Variants in RP1L1 observed in about 807,000 individuals in gnomAD.
RP1L1 encodes RP1 like 1.
RP1L1 carries 27 observed loss-of-function variants against 15.7 expected under a neutral mutation model. The ratio of observed to expected loss-of-function variants is 1.72; its 90% CI spans 1.27 to 2.38. The LOEUF (loss-of-function observed/expected upper bound fraction) is 2.38, where lower values mean the gene tolerates loss of function less well. RP1L1 is among the 30% of genes most tolerant of loss of function. The probability of loss-of-function intolerance (pLI) is 0.00; values close to 1 mark genes in which losing one functional copy is unlikely to be tolerated. For synonymous variants in RP1L1, 1,813 were observed against 1,276.7 expected (o/e 1.42, Z -8.96); for missense variants, 4,798 against 3,075.9 (o/e 1.56, Z -13.24).
In RP1L1 at chr8:10,610,277, T is replaced by A. The variant is rs1797819528; in HGVS notation, c.3821A>T (p.Asp1274Val). Residue 1274 changes from aspartate (D) to valine (V), a missense_variant, in exon 4 of 4, where the codon GAT becomes GTT. Coordinates refer to ENST00000382483, the MANE Select transcript of RP1L1 (RefSeq NM_178857.6). ...CTCCTCACTGTCTCTTTCTGCTTCA[T>A]CCTCATTGGTGGCACAAGCGCAGGC... ...ARACACATNE[D>V]EAERDSEEQR... 6.2e-7 allele frequency: 1 copy of A among 1,614,106 alleles called. No individual in the cohort carries two copies. The highest frequency in any genetic ancestry group is 1.7e-5 in the Admixed American group (1 of 60,002).
intron 1 of RP1L1, among the ~76,000 whole-genome samples, chr8:10,650,725 C>T (rs1234727570): frequency 1.3e-5 from 2 of 151,978 alleles, no homozygotes; most frequent in East Asian, 3.9e-4. Context: ...CCGCAACTGG[C>T]TAATTTTTTT....
intron 1 of RP1L1, among the ~76,000 whole-genome samples, chr8:10,644,972 C>A (rs951133801): frequency 6.6e-6 from 1 of 152,136 alleles, no homozygotes; most frequent in South Asian, 2.1e-4. Flanking sequence ...GCACTAATGA[C>A]CATTTATTTT....
intron 1 of RP1L1, among the ~76,000 whole-genome samples, chr8:10,633,709 G>A (rs922312660): frequency 6.6e-6 from 1 of 152,180 alleles, no homozygotes; most frequent in African/African-American, 2.4e-5. Flanking sequence ...CGTGACTGAA[G>A]CTGCCCTGGA....
Position 10,609,153 on chromosome 8 carries a change from C to T in RP1L1, c.4945G>A (p.Glu1649Lys), listed in dbSNP as rs745521863. ...LSTALGSQLG[E>K]EAEGEEFCPC... ...CAGAACTCCTCCCCCTCCGCCTCCT[C>T]GCCCAGCTGGCTCCCCAGGGCTGTG... Residue 1649 changes from glutamate to lysine, a missense_variant, in exon 4 of 4, where the codon GAG becomes AAG. Glu to Lys is a moderately conservative substitution (Grantham distance 56, BLOSUM62 1). Transcript: ENST00000382483. 1.1e-5 allele frequency: 18 copies of T among 1,612,908 alleles called. No homozygotes were observed. The highest frequency in any genetic ancestry group is 5.0e-5 in the Admixed American group (3 of 60,002).
rs1398148674 is a variant in RP1L1 at position 10,611,711 on chromosome 8, G to A, written c.2387C>T (p.Ala796Val). 2.5e-6 allele frequency: 4 copies of A among 1,613,452 alleles called. No individual in the cohort carries two copies. The highest frequency in any genetic ancestry group is 1.3e-5 in the African/African-American group (1 of 74,928). ...KSGAASLGEE[A>V]RDTPQPSSPL... ...TGAGGAGGGCTGAGGCGTGTCCCTG[G>A]CCTCTTCCCCCAGGCTGGCAGCCCC... Residue 796 changes from alanine (A) to valine (V), a missense_variant, in exon 4 of 4, where the codon GCC (alanine) becomes GTC (valine). Coordinates refer to ENST00000382483, the MANE Select transcript of RP1L1 (RefSeq NM_178857.6).
intron 2 of RP1L1, among the ~76,000 whole-genome samples, chr8:10,620,034 T>C (rs1474111385): frequency 1.3e-5 from 2 of 151,112 alleles, no homozygotes; most frequent in East Asian, 3.9e-4. Context: ...GATACAGTGA[T>C]ATGTGCTCTG....
In RP1L1 at chr8:10,622,787, G is replaced by GA. The variant is rs1554454599; in HGVS notation, c.414_415insT (p.Pro139SerfsTer11). 2.5e-6 allele frequency: 4 copies of GA among 1,613,796 alleles called. No homozygotes were observed. In the Admixed American group the frequency reaches 6.7e-5, roughly 27 times the overall value. ...CTCTTCCGGGAGGAGGAGGTGCCTG[G>GA]GGCTTCACGCTGGCCTTCGACATCC... On this transcript the variant is annotated frameshift_variant, in exon 2 of 4. Coordinates refer to ENST00000382483, the MANE Select transcript of RP1L1 (RefSeq NM_178857.6). LOFTEE classifies it high-confidence loss of function.
intron 1 of RP1L1, among the ~76,000 whole-genome samples, chr8:10,624,663 G>T (rs1798128599): frequency 6.7e-6 from 1 of 150,280 alleles, no homozygotes; most frequent in South Asian, 2.1e-4. Context: ...AGGCCGGGAG[G>T]AGAAGGTCGG....
Position 10,624,574 on chromosome 8 carries a change from T to C in RP1L1, c.-19-1354A>G, listed in dbSNP as rs138836448. 7.2e-3 allele frequency among the ~76,000 whole-genome samples: 1,095 copies of C among 152,340 alleles called. 6 individuals carry two copies. The highest frequency in any genetic ancestry group is 0.025 in the African/African-American group (1,031 of 41,578). ...GGACCACAGCAAATAGATATGGCCC[T>C]GGCGTCTTCTCTGACCAGCTGGGTG... On this transcript the variant is annotated intron_variant, in intron 1 of 3. Coordinates refer to ENST00000382483, the MANE Select transcript of RP1L1 (RefSeq NM_178857.6).
chr8:10,611,842 G>T lies in RP1L1; in HGVS notation c.2256C>A (p.Val752=). The T allele has an allele frequency of 6.2e-7, 1 of 1,613,774 alleles. No homozygotes were observed. The highest frequency in any genetic ancestry group is 8.5e-7 in the Non-Finnish European group (1 of 1,180,036). Residue 752 remains valine, a synonymous_variant, in exon 4 of 4, where the codon GTC becomes GTA. Coordinates refer to ENST00000382483, the MANE Select transcript of RP1L1 (RefSeq NM_178857.6). ...CGGCAGAGGGAGCGTTGTGCGGGGA[G>T]ACTCCAGAAACAAAATCCGAGTGGA... is the stretch of plus-strand genomic sequence containing the variant. The part of the protein sequence containing the change: ...PAVHSDFVSG[V]SPHNAPSAGW...
rs748317371 is a variant in RP1L1 at position 10,610,640 on chromosome 8, A to G, written c.3458T>C (p.Ile1153Thr). The change falls in exon 4 of 4, where the codon ATC becomes ACC. Residue 1153 changes from isoleucine to threonine, a missense_variant. Physicochemically the swap from Ile to Thr is moderately conservative, Grantham distance 89. Transcript: ENST00000382483. Reference sequence around the variant, plus strand: ...ACATCCTGGCCACAGGTCCTTCGAGATGCTGAGCAGCTCCTGGTACCGAGG... The same window carrying G: ...ACATCCTGGCCACAGGTCCTTCGAGGTGCTGAGCAGCTCCTGGTACCGAGG... ...DSPRYQELLS[I>T]SKDLWPGCDV... 139 of 1,612,256 alleles carry G rather than the reference A, an allele frequency of 8.6e-5. No individual in the cohort carries two copies. The highest frequency in any genetic ancestry group is 1.1e-4 in the Non-Finnish European group (131 of 1,179,372).
At chr8:10,643,489 C>T (rs1798435360) in intron 1 of RP1L1, among the ~76,000 whole-genome samples, 1 of 152,148 alleles carries the variant, frequency 6.6e-6, no homozygotes, top group Admixed American at 6.5e-5. Context: ...GGCCAATCTG[C>T]CATAAATTAC....
At position 10,622,710 on chromosome 8, in the gene RP1L1, G is replaced by C. The variant is rs754311208; in HGVS notation, c.492C>G (p.Leu164=). ...ILLIKNMDPR[L]QQTVVLSHRN... ...TGTGACTGAGAACCACTGTCTGCTG[G>C]AGGCGAGGGTCCATGTTCTTAATCA... is the stretch of plus-strand genomic sequence containing the variant. The change falls in exon 2 of 4, where the codon CTC becomes CTG. Residue 164 remains leucine (L), a synonymous_variant. Coordinates refer to ENST00000382483, the MANE Select transcript of RP1L1 (RefSeq NM_178857.6). The C allele has an allele frequency of 6.2e-7, 1 of 1,614,172 alleles. No individual in the cohort carries two copies. The highest frequency in any genetic ancestry group is 1.3e-5 in the African/African-American group (1 of 75,046).
chr8:10,609,411 C>G lies in RP1L1; in HGVS notation c.4687G>C (p.Asp1563His). The G allele has an allele frequency of 6.2e-7, 1 of 1,612,394 alleles. No homozygotes were observed. Reference sequence around the variant, plus strand: ...CTGTCCTGGAGGCGTTGGGCCACGTCCTGCTGCAGCTCGGCCGCCATCTGG... The same window carrying G: ...CTGTCCTGGAGGCGTTGGGCCACGTGCTGCTGCAGCTCGGCCGCCATCTGG... ...LDQMAAELQQ[D>H]VAQRLQDSTK... Residue 1563 changes from aspartate (D) to histidine (H), a missense_variant, in exon 4 of 4, where the codon GAC (aspartate) becomes CAC (histidine). Coordinates refer to ENST00000382483, the MANE Select transcript of RP1L1 (RefSeq NM_178857.6).
At chr8:10,614,629 C>G (rs1250205748) in intron 3 of RP1L1, among the ~76,000 whole-genome samples, 1 of 143,776 alleles carries the variant, frequency 7.0e-6, no homozygotes, top group African/African-American at 2.6e-5. Context: ...TCACTGCACT[C>G]CAGCCTGGGT....
intron 1 of RP1L1, among the ~76,000 whole-genome samples, chr8:10,635,701 T>G (rs140603941): frequency 6.6e-6 from 1 of 152,294 alleles, no homozygotes; most frequent in African/African-American, 2.4e-5. Flanking sequence ...GCCAAGAAAG[T>G]AAGTGGTAAG....
intron 1 of RP1L1, among the ~76,000 whole-genome samples, chr8:10,639,287 A>C (rs1798374914): frequency 6.6e-6 from 1 of 152,190 alleles, no homozygotes; most frequent in Admixed American, 6.5e-5. Flanking sequence ...AGGACAAACG[A>C]GCAGCCTACA....
intron 1 of RP1L1, among the ~76,000 whole-genome samples, 200 bp from the exon 2 acceptor site, chr8:10,623,420 G>T (rs1798105822): frequency 6.6e-6 from 1 of 152,158 alleles, no homozygotes; most frequent in Admixed American, 6.5e-5. Context: ...TCAAACTCCA[G>T]CCCCGTGAAT....
Position 10,612,549 on chromosome 8 carries a change from G to A in RP1L1, c.1549C>T (p.Gln517Ter), listed in dbSNP as rs767562322. 1 of 1,609,226 alleles carries A rather than the reference G, an allele frequency of 6.2e-7. No individual in the cohort carries two copies. The highest frequency in any genetic ancestry group is 1.3e-5 in the African/African-American group (1 of 75,026). The change falls in exon 4 of 4, where the codon CAA becomes TAA. Residue 517 changes from glutamine (Q) to a stop codon, truncating the protein, a stop_gained. Coordinates refer to ENST00000382483, the MANE Select transcript of RP1L1 (RefSeq NM_178857.6). LOFTEE classifies it low-confidence loss of function (END_TRUNC). ...IDGAGLGGPE[Q>*]GGRLTPRARS... ...GCCCTCGGTGTCAGGCGGCCGCCTT[G>A]CTCTGGGCCGCCCAGCCCTGCTCCA...
Sources: gnomAD v4.1 joint callset for allele counts (sites outside exome capture counted in the v4.1 genomes callset) on GRCh38, gnomAD v4.1.1 for gene constraint, MANE v1.5 for transcripts, NCBI Gene and HGNC (gene_info 2026-07-23, HGNC 2026-07-21) for gene names.